The following NRG1 variants were observed in gnomAD, a reference collection of about 807,000 sequenced individuals.
NRG1 encodes neuregulin 1.
In NRG1, 18 loss-of-function variants were observed where a neutral mutation model predicts 63.8. The observed-to-expected ratio is 0.28, with a 90% CI of 0.19 to 0.42. The LOEUF (loss-of-function observed/expected upper bound fraction) is 0.42, where lower values mean the gene tolerates loss of function less well. NRG1 is among the 10% of genes least tolerant of loss of function. The pLI, the probability that NRG1 is intolerant of heterozygous loss-of-function variation, is 1.00. For synonymous variants in NRG1, 302 were observed against 301.3 expected, an observed-to-expected ratio of 1.00 and a Z score of -0.02; for missense variants, 762 against 814.7, an observed-to-expected ratio of 0.94 and a Z score of 0.79.
intron 1 of NRG1, among the ~76,000 whole-genome samples, chr8:32,539,834 A>C (rs1173316864): frequency 6.6e-6 from 1 of 152,226 alleles, no homozygotes; most frequent in East Asian, 1.9e-4. Context: ...AAGTCATGCC[A>C]CTGAGATTTT....
chr8:31,692,325 A>C (rs1809615639), intron 1 of NRG1, among the ~76,000 whole-genome samples: 1 of 152,216 alleles, frequency 6.6e-6, no homozygotes, highest in Non-Finnish European at 1.5e-5. Context: ...TAATTTGTAG[A>C]ACTTTCAACT....
intron 1 of NRG1, among the ~76,000 whole-genome samples, chr8:32,168,128 G>A (rs1839600877): frequency 6.6e-6 from 1 of 152,038 alleles, no homozygotes; most frequent in Admixed American, 6.6e-5. Context: ...TCAACTAGAA[G>A]AGCAATCACA....
Position 32,368,511 on chromosome 8 carries a change from C to T in NRG1, c.38-227317C>T, listed in dbSNP as rs558843889. Among the ~76,000 whole-genome samples, 16 of 152,248 alleles carry T rather than the reference C, an allele frequency of 1.1e-4. No homozygotes were observed. The South Asian group carries it at 3.3e-3, about 32-fold the overall frequency. On this transcript the variant is annotated intron_variant, in intron 1 of 10. Transcript: ENST00000519301. ...AGGCAGGAGCACGCTATGATCATGC[C>T]ATTGCACTCTAATTTAAGCAACAGA...
intron 1 of NRG1, among the ~76,000 whole-genome samples, chr8:31,915,324 A>G (rs1330633284): frequency 6.6e-6 from 1 of 152,150 alleles, no homozygotes; most frequent in Non-Finnish European, 1.5e-5. Flanking sequence ...TGGCAGGCAC[A>G]TGGTTTGCTG....
At chr8:31,824,633 A>G (rs1038815145) in intron 1 of NRG1, among the ~76,000 whole-genome samples, 3 of 152,230 alleles carry the variant, frequency 2.0e-5, no homozygotes, top group African/African-American at 7.2e-5. Flanking sequence ...CCCTTTGGAT[A>G]TTTTAAAAGA....
intron 1 of NRG1, among the ~76,000 whole-genome samples, chr8:32,101,871 G>A (rs1830623869): frequency 6.6e-6 from 1 of 152,108 alleles, no homozygotes; most frequent in Non-Finnish European, 1.5e-5. Flanking sequence ...TATGTAACTA[G>A]ACCAGATATA....
chr8:32,510,969 T>A (rs1829114095), intron 1 of NRG1, among the ~76,000 whole-genome samples: 1 of 150,686 alleles, frequency 6.6e-6, no homozygotes, highest in African/African-American at 2.4e-5. Context: ...TTTTTTTTTT[T>A]TTCTGAAGCA....
At chr8:31,965,351 T>C (rs189882008) in intron 1 of NRG1, among the ~76,000 whole-genome samples, 3 of 152,134 alleles carry the variant, frequency 2.0e-5, no homozygotes, top group Admixed American at 2.0e-4. Context: ...GCTTCCTGAA[T>C]AGCTGGGATT....
intron 1 of NRG1, among the ~76,000 whole-genome samples, chr8:31,736,654 G>A (rs1284349148): frequency 6.6e-6 from 1 of 152,078 alleles, no homozygotes; most frequent in African/African-American, 2.4e-5. Context: ...AGTCTCAAAT[G>A]TCTCAAGTAT....
At chr8:32,021,221 T>C (rs1586531638) in intron 1 of NRG1, among the ~76,000 whole-genome samples, 1 of 152,322 alleles carries the variant, frequency 6.6e-6, no homozygotes, top group Admixed American at 6.5e-5. Flanking sequence ...GAGTAATTTG[T>C]AAGAAAAGAA....
chr8:31,892,101 T>C (rs1331948649), intron 1 of NRG1, among the ~76,000 whole-genome samples: 1 of 152,082 alleles, frequency 6.6e-6, no homozygotes, highest in Non-Finnish European at 1.5e-5. Flanking sequence ...GAATGTGATA[T>C]TGTGAGATGT....
chr8:32,444,719 T>A (rs569467300), intron 1 of NRG1, among the ~76,000 whole-genome samples: 56 of 152,312 alleles, frequency 3.7e-4, no homozygotes, highest in African/African-American at 1.2e-3. Flanking sequence ...TCCTGGGAAG[T>A]CTCACAATTT....
At chr8:32,696,146 T>C (rs908852673) in intron 5 of NRG1, among the ~76,000 whole-genome samples, 11 of 152,192 alleles carry the variant, frequency 7.2e-5, no homozygotes, top group African/African-American at 2.7e-4. Context: ...TGATCTATAA[T>C]GTGAAGGAAA....
chr8:32,722,267 T>C (rs1218719888), intron 5 of NRG1, among the ~76,000 whole-genome samples: 1 of 152,220 alleles, frequency 6.6e-6, no homozygotes, highest in African/African-American at 2.4e-5. Flanking sequence ...TGTATACTCA[T>C]GCTAATTCCT....
At chr8:31,659,250 C>T (rs1177591003) in intron 1 of NRG1, among the ~76,000 whole-genome samples, 1 of 152,128 alleles carries the variant, frequency 6.6e-6, no homozygotes, top group Non-Finnish European at 1.5e-5. Context: ...AGGTAGAAGG[C>T]ACTGAGCGGA....
intron 1 of NRG1, among the ~76,000 whole-genome samples, chr8:32,007,878 G>A (rs1814041940): frequency 6.6e-6 from 1 of 151,806 alleles, no homozygotes; most frequent in African/African-American, 2.4e-5. Context: ...TGCCCATAAT[G>A]ACTGTACCCA....
At chr8:32,484,011 A>G (rs929784734) in intron 1 of NRG1, among the ~76,000 whole-genome samples, 1 of 151,910 alleles carries the variant, frequency 6.6e-6, no homozygotes, top group African/African-American at 2.4e-5. Context: ...GCTGAGGCAG[A>G]AGAATGGCAT....
intron 1 of NRG1, among the ~76,000 whole-genome samples, chr8:32,238,374 G>A (rs775601555): frequency 2.4e-4 from 36 of 151,342 alleles, no homozygotes; most frequent in Non-Finnish European, 4.0e-4. Flanking sequence ...CAGGAGAATC[G>A]CTTGAACATG....
chr8:32,157,885 T>A (rs77606726), intron 1 of NRG1, among the ~76,000 whole-genome samples: 2 of 151,922 alleles, frequency 1.3e-5, no homozygotes, highest in Non-Finnish European at 2.9e-5. Context: ...GTAATTACAA[T>A]TGGGACAGGA....
Sources: gnomAD v4.1 joint callset for allele counts (sites outside exome capture counted in the v4.1 genomes callset) on GRCh38, gnomAD v4.1.1 for gene constraint, MANE v1.5 for transcripts, NCBI Gene and HGNC (gene_info 2026-07-23, HGNC 2026-07-21) for gene names.